Variants in CRACD observed in about 807,000 individuals in gnomAD.
The protein encoded by CRACD is capping protein inhibiting regulator of actin dynamics, also known as capping protein-inhibiting regulator of actin dynamics.
Under a neutral mutation model 106.8 loss-of-function variants are expected in CRACD, and 56 were observed. The ratio of observed to expected loss-of-function variants is 0.52; its 90% confidence interval spans 0.42 to 0.66. The LOEUF is 0.66. Among genes scored for constraint, CRACD ranks in the 30% least tolerant of loss-of-function variants. The pLI is 0.00. For missense variants in CRACD, 1,730 were observed against 1,623.2 expected, an observed-to-expected ratio of 1.07 and a Z score of -1.13; for synonymous variants, 754 against 670.8, an observed-to-expected ratio of 1.12 and a Z score of -1.92.
At chr4:56,175,843 C>G (rs1420044088) in intron 1 of CRACD, among the ~76,000 whole-genome samples, 1 of 152,198 alleles carries the variant, frequency 6.6e-6, no homozygotes, top group African/African-American at 2.4e-5. Flanking sequence ...AGGTCTTACT[C>G]AATAACTTTG....
intron 1 of CRACD, among the ~76,000 whole-genome samples, chr4:56,148,740 C>T (rs1735480807): frequency 6.6e-6 from 1 of 151,726 alleles, no homozygotes; most frequent in African/African-American, 2.4e-5. Flanking sequence ...TTCTTTACTA[C>T]CTTCTGCTGA....
intron 4 of CRACD, among the ~76,000 whole-genome samples, chr4:56,302,192 C>G (rs1030198251): frequency 4.6e-5 from 7 of 152,224 alleles, no homozygotes; most frequent in Non-Finnish European, 1.0e-4. Flanking sequence ...TATACAATCA[C>G]TATTGAACTG....
At chr4:56,255,772 A>G (rs930256632) in intron 2 of CRACD, among the ~76,000 whole-genome samples, 1 of 152,200 alleles carries the variant, frequency 6.6e-6, no homozygotes, top group Non-Finnish European at 1.5e-5. Context: ...TTAACCAGAA[A>G]AAAAGCATCA....
intron 1 of CRACD, among the ~76,000 whole-genome samples, chr4:56,151,838 G>C (rs1248710111): frequency 6.6e-6 from 1 of 151,896 alleles, no homozygotes; most frequent in African/African-American, 2.4e-5. Context: ...GTTTTCTCAT[G>C]ATTAGATGCA....
At chr4:56,098,467 A>G (rs1005061505) in intron 1 of CRACD, among the ~76,000 whole-genome samples, 1 of 152,192 alleles carries the variant, frequency 6.6e-6, no homozygotes, top group African/African-American at 2.4e-5. Flanking sequence ...TGATTCTACA[A>G]AGTGTGATAA....
chr4:56,245,887 C>T (rs1740653329), intron 2 of CRACD, among the ~76,000 whole-genome samples: 1 of 152,214 alleles, frequency 6.6e-6, no homozygotes, highest in Non-Finnish European at 1.5e-5. Flanking sequence ...ATTTTATTCT[C>T]CTTGCAACAC....
chr4:56,216,367 A>G (rs904503423), intron 2 of CRACD: 1 of 152,170 alleles, frequency 6.6e-6, no homozygotes, highest in Non-Finnish European at 1.5e-5. Context: ...AATAAATGCT[A>G]TAATTATAAC....
intron 2 of CRACD, among the ~76,000 whole-genome samples, chr4:56,214,615 C>A (rs1354947914): frequency 6.7e-6 from 1 of 148,758 alleles, no homozygotes; most frequent in South Asian, 2.1e-4. Context: ...AGAGACATAT[C>A]GCACCACTGC....
Position 56,315,238 on chromosome 4 carries a change from G to C in CRACD, c.1736G>C (p.Ser579Thr). The C allele has an allele frequency of 6.2e-7, 1 of 1,600,182 alleles. No homozygotes were observed. Among genetic ancestry groups the C allele is most frequent in the Non-Finnish European group, 8.5e-7 (1 of 1,173,496 alleles). The change falls in exon 8 of 11, where the codon AGC becomes ACC. Residue 579 changes from serine (S) to threonine (T), a missense_variant. Ser to Thr is a moderately conservative substitution (Grantham distance 58). Coordinates refer to ENST00000682029, the MANE Select transcript of CRACD (RefSeq NM_001393381.1). This position sits in a 1 kb window ranked among gnomAD's most constrained non-coding sequence, Gnocchi z 4.1. ...APQEPKAPKASPVQHALPSSL... is the reference protein window; with the variant it reads ...APQEPKAPKATPVQHALPSSL... ...CAGGAACCAAAGGCCCCCAAAGCCA[G>C]CCCAGTCCAGCACGCCCTACCGTCG... is the stretch of plus-strand genomic sequence containing the variant.
chr4:56,210,830 G>A (rs1738366484), intron 2 of CRACD, among the ~76,000 whole-genome samples: 1 of 152,138 alleles, frequency 6.6e-6, no homozygotes, highest in Non-Finnish European at 1.5e-5. Flanking sequence ...ACTGAGTTTA[G>A]GGTGGTGCCC....
At chr4:56,247,292 T>A (rs1417852429) in intron 2 of CRACD, among the ~76,000 whole-genome samples, 1 of 148,070 alleles carries the variant, frequency 6.8e-6, no homozygotes, top group East Asian at 1.9e-4. Flanking sequence ...AGTCTTACAG[T>A]GAATACAGTG....
rs1387627132 is a variant in CRACD, at chr4:56,315,669, C to T, written c.2167C>T (p.Pro723Ser). The T allele has an allele frequency of 1.2e-6, 2 of 1,614,086 alleles. No individual in the cohort carries two copies. Among genetic ancestry groups the T allele is most frequent in the African/African-American group, 1.3e-5 (1 of 74,924 alleles). Residue 723 changes from proline (P) to serine (S), a missense_variant, in exon 8 of 11, where the codon CCT becomes TCT. By Grantham distance (74) the Pro-to-Ser change is moderately conservative (BLOSUM62 -1). Coordinates refer to ENST00000682029, the MANE Select transcript of CRACD (RefSeq NM_001393381.1). The surrounding 1 kb of genome is among the most constrained non-coding windows in gnomAD (Gnocchi z 4.1). ...PPVNAKFSIM[P>S]AWQKFSDGGT... is the part of the protein sequence containing the mutation. ...AGTCAATGCAAAGTTCTCTATTATG[C>T]CTGCCTGGCAGAAATTTTCCGATGG...
chr4:56,160,663 C>T (rs1056539831), intron 1 of CRACD, among the ~76,000 whole-genome samples: 4 of 152,230 alleles, frequency 2.6e-5, no homozygotes, highest in Non-Finnish European at 5.9e-5. Flanking sequence ...TTTGGGCAAG[C>T]TGCTTAAACC....
Position 56,316,188 on chromosome 4 carries a change from G to C in CRACD, c.2686G>C (p.Glu896Gln), listed in dbSNP as rs1170575360. Residue 896 changes from glutamate to glutamine, a missense_variant, in exon 8 of 11, where the codon GAG becomes CAG. By Grantham distance (29) the Glu-to-Gln change is conservative. This residue lies in a region of CRACD where 1,620 missense variants were observed against 1,481.6 expected (regional missense o/e 1.09). Coordinates refer to ENST00000682029, the MANE Select transcript of CRACD (RefSeq NM_001393381.1). ...AGSARGEKEM[E>Q]GVALKHGPSL... ...GAGCGCTCGTGGAGAGAAAGAGATG[G>C]AGGGTGTGGCCCTCAAGCATGGTCC... The C allele has an allele frequency of 6.8e-6, 11 of 1,614,140 alleles. No individual in the cohort carries two copies. Among genetic ancestry groups the C allele is most frequent in the East Asian group, 2.2e-5 (1 of 44,860 alleles).
At chr4:56,322,124 A>G (rs1334691049) in intron 8 of CRACD, among the ~76,000 whole-genome samples, 1 of 152,210 alleles carries the variant, frequency 6.6e-6, no homozygotes, top group Admixed American at 6.5e-5. Flanking sequence ...ATCTCTGAAC[A>G]TGCATAATTT....
chr4:56,113,674 G>C (rs1446144452), intron 1 of CRACD, among the ~76,000 whole-genome samples: 1 of 152,148 alleles, frequency 6.6e-6, no homozygotes, highest in Admixed American at 6.6e-5. Context: ...TTATCTCAGA[G>C]TATTGGACAA....
At chr4:56,252,966 G>A (rs1741136303) in intron 2 of CRACD, among the ~76,000 whole-genome samples, 2 of 152,204 alleles carry the variant, frequency 1.3e-5, no homozygotes, top group Admixed American at 6.5e-5. Context: ...GTGCAGCTTT[G>A]AGGTTCACAT....
chr4:56,115,022 G>T (rs1046271295), intron 1 of CRACD, among the ~76,000 whole-genome samples: 2 of 152,084 alleles, frequency 1.3e-5, no homozygotes, highest in African/African-American at 4.8e-5. Context: ...TGCTATAAAA[G>T]ATATCAATAA....
chr4:56,326,163 C>T (rs545169795), intron 10 of CRACD, among the ~76,000 whole-genome samples: 1 of 152,278 alleles, frequency 6.6e-6, no homozygotes, highest in East Asian at 1.9e-4. Context: ...CCGCCCACCT[C>T]GGCCTCCCAA....
Sources: allele counts gnomAD v4.1 joint callset (sites outside exome capture counted in the v4.1 genomes callset), GRCh38; gene constraint gnomAD v4.1.1; regional missense constraint gnomAD v4.1.1; non-coding constraint Gnocchi (gnomAD v3.1); transcripts MANE v1.5; gene names NCBI Gene and HGNC (gene_info 2026-07-23, HGNC 2026-07-21).